CCDC88C: variants seen among roughly 807,000 people sequenced by gnomAD.
CCDC88C encodes coiled-coil and HOOK domain protein 88C, also known as protein Daple.
A neutral mutation model predicts 198.8 loss-of-function variants in CCDC88C; 131 were observed. That is an observed-to-expected ratio of 0.66 (90% confidence interval 0.57 to 0.76). The LOEUF (loss-of-function observed/expected upper bound fraction) is 0.76. Ranked by LOEUF, CCDC88C falls within the 30% of genes least tolerant of loss-of-function variation. The pLI is 0.00. For missense variants in CCDC88C, 2,553 were observed against 2,631.6 expected (o/e 0.97, Z 0.65); for synonymous variants, 1,166 against 1,114.7 (o/e 1.05, Z -0.92).
At chr14:91,398,006 G>C (rs1295236404) in intron 3 of CCDC88C, among the ~76,000 whole-genome samples, 1 of 152,178 alleles carries the variant, frequency 6.6e-6, no homozygotes, top group Admixed American at 6.5e-5. Context: ...CTAATCTATC[G>C]AATGGAGACA....
intron 25 of CCDC88C, 34 bp downstream of exon 25, chr14:91,289,071 C>T: frequency 6.3e-6 from 10 of 1,576,654 alleles, no homozygotes; most frequent in Non-Finnish European, 8.6e-6. Context: ...CACCCCCTTC[C>T]TCACCCGACC....
chr14:91,308,396 T>G lies in CCDC88C; in HGVS notation c.2961A>C (p.Glu987Asp). Residue 987 changes from glutamate (E) to aspartate (D), a missense_variant, in exon 17 of 30, where the codon GAA (glutamate) becomes GAC (aspartate). This residue lies in a region of CCDC88C where 1,260 missense variants were observed against 1,412.0 expected (regional missense o/e 0.89). Coordinates refer to ENST00000389857, the MANE Select transcript of CCDC88C (RefSeq NM_001080414.4). ...EKIVLLEAQMEEKASLNRQLE... is the reference protein window; with the variant it reads ...EKIVLLEAQMDEKASLNRQLE... Reference sequence around the variant, plus strand: ...ACTGGCGATTTAGGCTCGCTTTCTCTTCCATCTGTGCTTCTAAGAGCACAA... The same window carrying G: ...ACTGGCGATTTAGGCTCGCTTTCTCGTCCATCTGTGCTTCTAAGAGCACAA... 1.2e-6 allele frequency: 2 copies of G among 1,614,052 alleles called. No individual in the cohort carries two copies. Among genetic ancestry groups the G allele is most frequent in the Non-Finnish European group, 1.7e-6 (2 of 1,179,884 alleles).
chr14:91,325,052 C>T lies in CCDC88C; in HGVS notation c.1198-129G>A. ...ATGTACTGGCTCACTTCCAAATAAA[C>T]AGAGCTGCACAGAAACATCCCAACA... On this transcript the variant is annotated intron_variant, in intron 11 of 29. Transcript: ENST00000389857. The surrounding 1 kb of genome is among the most constrained non-coding windows in gnomAD (Gnocchi z 4.1). 2 of 1,167,492 alleles carry T rather than the reference C, an allele frequency of 1.7e-6. No homozygotes were observed. Among genetic ancestry groups the T allele is most frequent in the Non-Finnish European group, 2.4e-6 (2 of 823,012 alleles). 72.3% of individuals were successfully genotyped at this position (1,167,492 alleles called of 1,614,324 possible). A position where few individuals can be genotyped will look rare whatever the true frequency, so the allele number is the denominator to read the frequency against.
rs1053295540 is a variant in CCDC88C at position 91,277,833 on chromosome 14, C to T, written c.5058+89G>A. ...TCCTGTGCCTAGGCCACGCCACCCC[C>T]ACCCCATCCTTTCTGCAGCTATGAT... On this transcript the variant is annotated intron_variant, in intron 29 of 29. Coordinates refer to ENST00000389857, the MANE Select transcript of CCDC88C (RefSeq NM_001080414.4). 7.2e-6 allele frequency: 10 copies of T among 1,396,896 alleles called. No homozygotes were observed. In the African/African-American group the frequency reaches 1.5e-4, roughly 20 times the overall value. The allele number at this position is 1,396,896 out of a possible 1,614,324, so 86.5% of individuals were successfully genotyped here.
chr14:91,399,820 C>CA (rs1886062302), intron 3 of CCDC88C, among the ~76,000 whole-genome samples: 1 of 132,828 alleles, frequency 7.5e-6, no homozygotes. Context: ...GCCTGGGCGA[C>CA]AGAGTGAGAC....
rs1285778 is a variant in CCDC88C, at chr14:91,336,512, G to A, written c.1050+1493C>T. Among the ~76,000 whole-genome samples, 1,369 of 143,920 alleles carry A rather than the reference G, an allele frequency of 9.5e-3. 25 individuals carry two copies. The highest frequency in any genetic ancestry group is 0.026 in the East Asian group (114 of 4,350). 94.4% of individuals were successfully genotyped at this position (143,920 alleles called of 152,430 possible). ...ATGACAGTCCCCAGCCCTCCCACCC[G>A]GGGCATTTCCAGTAAGCAATGCAGC... On this transcript the variant is annotated intron_variant, in intron 10 of 29. Transcript: ENST00000389857.
intron 3 of CCDC88C, among the ~76,000 whole-genome samples, chr14:91,380,962 A>C (rs535522916): frequency 3.3e-5 from 5 of 152,330 alleles, no homozygotes; most frequent in African/African-American, 1.2e-4. Context: ...TAAGGGTGTA[A>C]TAGCATTGCT....
chr14:91,345,032 G>A (rs12882442), intron 4 of CCDC88C, among the ~76,000 whole-genome samples: 1 of 150,504 alleles, frequency 6.6e-6, no homozygotes. Flanking sequence ...GGGCTCAAGC[G>A]ATCCTCCTGC....
chr14:91,410,838 A>G (rs1026288083), intron 2 of CCDC88C, among the ~76,000 whole-genome samples: 1 of 152,162 alleles, frequency 6.6e-6, no homozygotes, highest in Non-Finnish European at 1.5e-5. Context: ...TTGTAGACCC[A>G]TCTTTCATTG....
intron 24 of CCDC88C, among the ~76,000 whole-genome samples, chr14:91,290,330 G>A (rs979147414): frequency 6.6e-6 from 1 of 152,236 alleles, no homozygotes; most frequent in Non-Finnish European, 1.5e-5. Flanking sequence ...AAAACAGACT[G>A]AGGTTCGGAA....
intron 3 of CCDC88C, among the ~76,000 whole-genome samples, chr14:91,395,220 C>T (rs1357483697): frequency 2.6e-5 from 4 of 152,138 alleles, no homozygotes; most frequent in Non-Finnish European, 5.9e-5. Flanking sequence ...TCCTGCCTCC[C>T]AAGACCCCTA....
chr14:91,277,015 G>A (rs1889995948), intron 29 of CCDC88C, among the ~76,000 whole-genome samples: 1 of 152,140 alleles, frequency 6.6e-6, no homozygotes, highest in South Asian at 2.1e-4. Flanking sequence ...TGTCGCTCAA[G>A]ATGGAGTGCA....
chr14:91,373,493 C>A (rs530773379), intron 3 of CCDC88C, among the ~76,000 whole-genome samples: 2 of 152,172 alleles, frequency 1.3e-5, no homozygotes, highest in Non-Finnish European at 2.9e-5. Context: ...CCTTAGCCCC[C>A]ACTCGCTCCT....
intron 29 of CCDC88C, among the ~76,000 whole-genome samples, chr14:91,276,249 T>C (rs1889959220): frequency 6.6e-6 from 1 of 152,252 alleles, no homozygotes; most frequent in Admixed American, 6.5e-5. Flanking sequence ...ATGGGTTCTG[T>C]GGTCTGGCAA....
At chr14:91,276,779 G>C (rs1035207083) in intron 29 of CCDC88C, among the ~76,000 whole-genome samples, 13 of 152,264 alleles carry the variant, frequency 8.5e-5, no homozygotes, top group African/African-American at 2.9e-4. Flanking sequence ...TAACCCAACA[G>C]CTCACGTGAC....
rs1891927110 is a variant in CCDC88C, at chr14:91,313,344, C to T, written c.2472G>A (p.Glu824=). The change falls in exon 15 of 30, where the codon GAG becomes GAA. Residue 824 remains glutamate (E), a synonymous_variant. Coordinates refer to ENST00000389857, the MANE Select transcript of CCDC88C (RefSeq NM_001080414.4). The surrounding 1 kb of genome is among the most constrained non-coding windows in gnomAD (Gnocchi z 5.2). The part of the protein sequence containing the change: ...EGAEKDRKAL[E]QEVAQLEKDK... ...CCTTCTCGAGCTGGGCCACCTCCTG[C>T]TCCAGGGCCTTCCTGTCCTTCTCGG... 1.2e-6 allele frequency: 2 copies of T among 1,612,790 alleles called. No individual in the cohort carries two copies. The highest frequency in any genetic ancestry group is 1.7e-6 in the Non-Finnish European group (2 of 1,179,898).
At chr14:91,342,563 C>A (rs1039176994) in intron 5 of CCDC88C, 100 bp from the exon 6 acceptor site, 5 of 769,496 alleles carry the variant, frequency 6.5e-6, no homozygotes, top group Admixed American at 4.0e-5. Flanking sequence ...GAACCACCCA[C>A]CCCGGGCTTC....
At chr14:91,412,002 T>C (rs1487793945) in intron 2 of CCDC88C, among the ~76,000 whole-genome samples, 1 of 151,628 alleles carries the variant, frequency 6.6e-6, no homozygotes, top group Non-Finnish European at 1.5e-5. Context: ...AACCAATTCT[T>C]GCTAGAATTT....
At chr14:91,361,059 A>T (rs1263438083) in intron 3 of CCDC88C, among the ~76,000 whole-genome samples, 1 of 150,604 alleles carries the variant, frequency 6.6e-6, no homozygotes, top group East Asian at 2.0e-4. Flanking sequence ...TGAGCCCAGG[A>T]GTTCCAGGCT....
Sources: allele counts gnomAD v4.1 joint callset (sites outside exome capture counted in the v4.1 genomes callset), GRCh38; gene constraint gnomAD v4.1.1; regional missense constraint gnomAD v4.1.1; non-coding constraint Gnocchi (gnomAD v3.1); transcripts MANE v1.5; gene names NCBI Gene and HGNC (gene_info 2026-07-23, HGNC 2026-07-21).